NECAP2: variants seen among roughly 807,000 people sequenced by gnomAD.
NECAP2 encodes NECAP endocytosis associated 2.
In NECAP2, 38 loss-of-function variants were observed where a neutral mutation model predicts 37.8. The observed-to-expected ratio is 1.01, with a 90% CI of 0.78 to 1.32. The LOEUF is 1.32. NECAP2 is among the 40% of genes most tolerant of loss of function. The pLI, the probability that NECAP2 is intolerant of heterozygous loss-of-function variation, is 0.00. For synonymous variants in NECAP2, 121 were observed against 127.7 expected (o/e 0.95, Z 0.35); for missense variants, 316 against 334.5 (o/e 0.94, Z 0.43).
In NECAP2 at chr1:16,458,704, A is replaced by C. The variant is rs1476957716; in HGVS notation, c.744-138A>C. 5.0e-6 allele frequency: 4 copies of C among 796,256 alleles called. No homozygotes were observed. The East Asian group carries it at 1.1e-4, about 21-fold the overall frequency. The allele number at this position is 796,256 out of a possible 1,614,324, so 49.3% of individuals were successfully genotyped here. A position where few individuals can be genotyped will look rare whatever the true frequency, so the allele number is the denominator to read the frequency against. ...GGGCCAGATTTGGTCTCTGTGCCAG[A>C]GTTTGCTGACTGCTGCTCTAGAACA... is the stretch of plus-strand genomic sequence containing the variant. On this transcript the variant is annotated intron_variant, in intron 7 of 7. Coordinates refer to ENST00000337132, the MANE Select transcript of NECAP2 (RefSeq NM_018090.5).
At chr1:16,444,558 T>A (rs1413661729) in intron 2 of NECAP2, among the ~76,000 whole-genome samples, 1 of 152,162 alleles carries the variant, frequency 6.6e-6, no homozygotes, top group Non-Finnish European at 1.5e-5. Flanking sequence ...GAAATGGGGA[T>A]CATATTAGTT....
rs377239753 is a variant in NECAP2, at chr1:16,458,933, C to T, written c.*43C>T. The T allele has an allele frequency of 6.8e-6, 11 of 1,613,792 alleles. No individual in the cohort carries two copies. In the East Asian group the frequency reaches 1.3e-4, roughly 20 times the overall value. On this transcript the variant is annotated 3_prime_UTR_variant, in exon 8 of 8. Transcript: ENST00000337132. ...CTCATGTGACTTCTGGGAAGGCGCT[C>T]CCTCATCTGGGCCAAAGGAAGGAGG... is the stretch of plus-strand genomic sequence containing the variant.
At position 16,458,910 on chromosome 1, in the gene NECAP2, CAT is replaced by C. The variant is rs777601702; in HGVS notation, c.*21_*22del. ...TTCTGACCTGAGCACGGTTTTTCCTCATGTGACTTCTGGGAAGGCGCTCCCTC... is the reference window on the plus strand; with the variant it reads ...TTCTGACCTGAGCACGGTTTTTCCTCGTGACTTCTGGGAAGGCGCTCCCTC... On this transcript the variant is annotated 3_prime_UTR_variant, in exon 8 of 8. Transcript: ENST00000337132. 6.2e-7 allele frequency: 1 copy of C among 1,614,098 alleles called. No homozygotes were observed. The highest frequency in any genetic ancestry group is 2.2e-5 in the East Asian group (1 of 44,862).
In NECAP2 at chr1:16,443,731, AG is replaced by A. The variant is rs2086721674; in HGVS notation, c.193+1del. The A allele has an allele frequency of 6.2e-7, 1 of 1,610,762 alleles. No homozygotes were observed. Among genetic ancestry groups the A allele is most frequent in the Admixed American group, 1.7e-5 (1 of 59,754 alleles). ...ACATCAAGCTGGAGGACAGGACGTCAGGTAACCGGAAGGGAGGCTGCATCAA... is the reference window on the plus strand; with the variant it reads ...ACATCAAGCTGGAGGACAGGACGTCAGTAACCGGAAGGGAGGCTGCATCAA... Reference protein sequence around the residue: ...AYIKLEDRTSGELFAQAPVDQ... With the variant: ...AYIKLEDRTSXELFAQAPVDQ... On this transcript the variant is annotated frameshift_variant and splice_region_variant, in exon 2 of 8. Transcript: ENST00000337132. LOFTEE classifies it high-confidence loss of function.
At position 16,459,056 on chromosome 1, in the gene NECAP2, T is replaced by C; in HGVS notation, c.*166T>C. ...AAACCGGGCATGTTTGGCAGTAAAT[T>C]GGCACCGTGTCACACTGTTTCCTGG... On this transcript the variant is annotated 3_prime_UTR_variant, in exon 8 of 8. Transcript: ENST00000337132. The C allele has an allele frequency of 2.0e-6, 3 of 1,488,722 alleles. No homozygotes were observed. Among genetic ancestry groups the C allele is most frequent in the South Asian group, 2.5e-5 (2 of 78,462 alleles). The allele number at this position is 1,488,722 out of a possible 1,614,324, so 92.2% of individuals were successfully genotyped here. A position where few individuals can be genotyped will look rare whatever the true frequency, so the allele number is the denominator to read the frequency against.
intron 5 of NECAP2, chr1:16,449,406 T>C (rs28595467): frequency 7.5e-6 from 4 of 532,486 alleles, no homozygotes; most frequent in African/African-American, 5.8e-5. Context: ...CAGGTAAAAA[T>C]GTGATAACAA....
chr1:16,448,448 G>T, intron 4 of NECAP2: 1 of 404,972 alleles, frequency 2.5e-6, no homozygotes, highest in Non-Finnish European at 4.5e-6. Context: ...GCTCCTCCAT[G>T]TAATCAATGG....
At chr1:16,451,284 T>C (rs2086838389) in intron 5 of NECAP2, 1 of 153,148 alleles carries the variant, frequency 6.5e-6, no homozygotes, top group African/African-American at 2.4e-5. Context: ...GTTTTACTGA[T>C]GATGGACATT....
At position 16,458,825 on chromosome 1, in the gene NECAP2, C is replaced by A. The variant is rs749124155; in HGVS notation, c.744-17C>A. The A allele has an allele frequency of 6.2e-7, 1 of 1,613,202 alleles. No homozygotes were observed. Among genetic ancestry groups the A allele is most frequent in the Non-Finnish European group, 8.5e-7 (1 of 1,179,728 alleles). ...AAGATCTGAACTCCCCCACCCTTCC[C>A]TGTCTTCTCTTTACAGATCAACTTC... On this transcript the variant is annotated splice_polypyrimidine_tract_variant and intron_variant, in intron 7 of 7. Coordinates refer to ENST00000337132, the MANE Select transcript of NECAP2 (RefSeq NM_018090.5).
chr1:16,455,355 C>T (rs544738079), intron 6 of NECAP2, among the ~76,000 whole-genome samples: 2 of 152,296 alleles, frequency 1.3e-5, no homozygotes, highest in South Asian at 2.1e-4. Context: ...GTGGCTGGCA[C>T]GTAGTGTTCT....
chr1:16,455,719 A>T, intron 6 of NECAP2, 99 bp from the exon 7 acceptor site: 1 of 925,816 alleles, frequency 1.1e-6, no homozygotes, highest in East Asian at 2.4e-5. Flanking sequence ...GAGACTGATC[A>T]CTGAGTCTCA....
intron 7 of NECAP2, among the ~76,000 whole-genome samples, chr1:16,456,592 C>T (rs969117427): frequency 3.3e-5 from 5 of 152,196 alleles, no homozygotes; most frequent in African/African-American, 4.8e-5. Flanking sequence ...CCTCATAGAA[C>T]GCCTGAGGCT....
chr1:16,449,286 C>A, intron 5 of NECAP2, 85 bp downstream of exon 5: 1 of 871,512 alleles, frequency 1.1e-6, no homozygotes, highest in Non-Finnish European at 1.8e-6. Context: ...TACAGTTCAG[C>A]TCCTTCAGTT....
At position 16,458,847 on chromosome 1, in the gene NECAP2, C is replaced by A. The variant is rs199917711; in HGVS notation, c.749C>A (p.Thr250Asn). ...TCCCTGTCTTCTCTTTACAGATCAA[C>A]TTCCAGCCAGACCCAGCCAGGCACA... ...WGDFTKSTGS[T>N]SSQTQPGTGW... is the part of the protein sequence containing the mutation. The change falls in exon 8 of 8, where the codon ACT becomes AAT. Residue 250 changes from threonine (T) to asparagine (N), a missense_variant. Coordinates refer to ENST00000337132, the MANE Select transcript of NECAP2 (RefSeq NM_018090.5). 163 of 1,613,474 alleles carry A rather than the reference C, an allele frequency of 1.0e-4. 1 individual carries two copies. The Middle Eastern group carries it at 2.0e-3, about 20-fold the overall frequency.
rs773099901 is a variant in NECAP2, at chr1:16,459,635, T to C, written c.*745T>C. ...TGGTTTCCATGTATTCTAGGCCAGG[T>C]AGGCAACACAGAGCCAAGGCGGGTG... On this transcript the variant is annotated 3_prime_UTR_variant, in exon 8 of 8. Coordinates refer to ENST00000337132, the MANE Select transcript of NECAP2 (RefSeq NM_018090.5). The C allele has an allele frequency of 6.6e-6, 1 of 152,166 alleles. No individual in the cohort carries two copies. Among genetic ancestry groups the C allele is most frequent in the Non-Finnish European group, 1.5e-5 (1 of 68,078 alleles). The allele number at this position is 152,166 out of a possible 1,614,324, so 9.4% of individuals were successfully genotyped here.
At position 16,451,975 on chromosome 1, in the gene NECAP2, G is replaced by A; in HGVS notation, c.627G>A (p.Val209=). The A allele has an allele frequency of 1.2e-6, 2 of 1,607,756 alleles. No individual in the cohort carries two copies. The highest frequency in any genetic ancestry group is 1.1e-5 in the South Asian group (1 of 90,606). ...LIPPPGEQLA[V]GGSLVQPAVA... ...CTCCCCCTGGGGAGCAGTTGGCTGT[G>A]GGGGGATCCCTCGTCCAGCCAGCAG... Residue 209 remains valine, a synonymous_variant, in exon 6 of 8, where the codon GTG becomes GTA. Transcript: ENST00000337132.
intron 1 of NECAP2, chr1:16,441,671 T>TA (rs2086692198): frequency 6.6e-6 from 1 of 152,212 alleles, no homozygotes; most frequent in Non-Finnish European, 1.5e-5. Flanking sequence ...AGTGCTCGTA[T>TA]TTGCGGGGGC....
In NECAP2 at chr1:16,458,947, A is replaced by T. The variant is rs2086970100; in HGVS notation, c.*57A>T. ...GGGAAGGCGCTCCCTCATCTGGGCC[A>T]AAGGAAGGAGGACGAAGCCCTCCTC... On this transcript the variant is annotated 3_prime_UTR_variant, in exon 8 of 8. Transcript: ENST00000337132. 1 of 1,613,872 alleles carries T rather than the reference A, an allele frequency of 6.2e-7. No individual in the cohort carries two copies. Among genetic ancestry groups the T allele is most frequent in the East Asian group, 2.2e-5 (1 of 44,874 alleles).
chr1:16,450,309 C>G (rs279779), intron 5 of NECAP2: 3 of 353,158 alleles, frequency 8.5e-6, no homozygotes, highest in Admixed American at 7.7e-5. Context: ...TTAGGCATTT[C>G]TCATGTGAAT....
Sources: gnomAD v4.1 joint callset for allele counts (sites outside exome capture counted in the v4.1 genomes callset) on GRCh38, gnomAD v4.1.1 for gene constraint, MANE v1.5 for transcripts, NCBI Gene and HGNC (gene_info 2026-07-23, HGNC 2026-07-21) for gene names.